BEGAIN: variants seen among roughly 807,000 people sequenced by gnomAD.
BEGAIN encodes the protein brain-enriched guanylate kinase-associated protein.
BEGAIN carries 19 observed loss-of-function variants against 35.8 expected under a neutral mutation model. The observed-to-expected ratio is 0.53, with a 90% CI of 0.37 to 0.78. The LOEUF (loss-of-function observed/expected upper bound fraction) is 0.78. BEGAIN is among the 30% of genes least tolerant of loss of function. The pLI is 0.00. For synonymous variants in BEGAIN, 462 were observed against 388.6 expected, an observed-to-expected ratio of 1.19 and a Z score of -2.22; for missense variants, 795 against 853.6, an observed-to-expected ratio of 0.93 and a Z score of 0.85.
At position 100,538,550 on chromosome 14, in the gene BEGAIN, G is replaced by A. The variant is rs1595101660; in HGVS notation, c.1258C>T (p.Arg420Trp). 1 of 1,518,198 alleles carries A rather than the reference G, an allele frequency of 6.6e-7. No homozygotes were observed. The highest frequency in any genetic ancestry group is 8.8e-7 in the Non-Finnish European group (1 of 1,134,150). The allele number at this position is 1,518,198 out of a possible 1,614,324, so 94.0% of individuals were successfully genotyped here. A position where few individuals can be genotyped will look rare whatever the true frequency, so the allele number is the denominator to read the frequency against. The change falls in exon 7 of 7, where the codon CGG becomes TGG. Residue 420 changes from arginine (R) to tryptophan (W), a missense_variant. Arg to Trp is a moderately radical substitution (Grantham distance 101, BLOSUM62 -3). Coordinates refer to ENST00000554140, the MANE Select transcript of BEGAIN (RefSeq NM_001385089.1). The stretch of plus-strand genomic sequence containing the variant: ...AGCCGGGCGGTCCCCGGCTTGGCCC[G>A]CAGGCTCCACAGGTTTGGGGGCATC... ...ALMPPNLWSLRAKPGTARLPG... is the reference protein window; with the variant it reads ...ALMPPNLWSLWAKPGTARLPG...
Position 100,579,749 on chromosome 14 carries a change from G to C in BEGAIN, c.42+7500C>G, listed in dbSNP as rs112814586. On this transcript the variant is annotated intron_variant, in intron 1 of 6. Transcript: ENST00000554140. ...AAAACTCAGTGCGTGGCCTCACCAT[G>C]GCCTCAGCCACCCAAGACAGGAACA... 7.7e-3 allele frequency among the ~76,000 whole-genome samples: 1,176 copies of C among 152,250 alleles called. 18 individuals carry two copies. The highest frequency in any genetic ancestry group is 0.027 in the African/African-American group (1,115 of 41,506).
chr14:100,568,210 G>T lies in BEGAIN; in HGVS notation c.43-271C>A, dbSNP rs2034884371. 1.6e-6 allele frequency: 1 copy of T among 631,996 alleles called. No individual in the cohort carries two copies. The highest frequency in any genetic ancestry group is 2.0e-6 in the Non-Finnish European group (1 of 492,250). 39.1% of individuals were successfully genotyped at this position (631,996 alleles called of 1,614,324 possible). A position where few individuals can be genotyped will look rare whatever the true frequency, so the allele number is the denominator to read the frequency against. ...GCCCCCCGGGGCGAAGAAGGGGCCG[G>T]CCCGGGATGGCCCGGCCAGGGGCGA... On this transcript the variant is annotated intron_variant, in intron 1 of 6. Coordinates refer to ENST00000554140, the MANE Select transcript of BEGAIN (RefSeq NM_001385089.1). The surrounding 1 kb of genome is among the most constrained non-coding windows in gnomAD (Gnocchi z 7.5).
chr14:100,562,165 A>T (rs372436099), intron 2 of BEGAIN, among the ~76,000 whole-genome samples: 8 of 152,086 alleles, frequency 5.3e-5, no homozygotes, highest in African/African-American at 1.9e-4. Context: ...GTTGGAGGAG[A>T]CAAGAGATGG....
intron 2 of BEGAIN, among the ~76,000 whole-genome samples, chr14:100,562,432 A>G (rs150651478): frequency 6.6e-6 from 1 of 152,222 alleles, no homozygotes; most frequent in Non-Finnish European, 1.5e-5. Context: ...GGACACCTCA[A>G]GCCTGTGTGC....
intron 2 of BEGAIN, 101 bp from the exon 3 acceptor site, chr14:100,546,763 G>GGCGC (rs145452191): frequency 2.9e-5 from 22 of 746,974 alleles, no homozygotes; most frequent in Admixed American, 1.4e-4. Context: ...CGCGAGTACC[G>GGCGC]GCGCGCGCGC....
chr14:100,541,100 G>A (rs1279120928), intron 5 of BEGAIN, among the ~76,000 whole-genome samples: 1 of 152,144 alleles, frequency 6.6e-6, no homozygotes, highest in African/African-American at 2.4e-5. Flanking sequence ...TGTGGCTGCA[G>A]GGCTGGGCAG....
intron 3 of BEGAIN, chr14:100,546,080 G>C (rs7401025): frequency 6.2e-6 from 1 of 161,612 alleles, no homozygotes; most frequent in African/African-American, 2.4e-5. Flanking sequence ...CTCAAGGGAA[G>C]GGTCCCTAAA....
rs904640305 is a variant in BEGAIN, at chr14:100,552,914, G to T, written c.72-6252C>A. 2.0e-5 allele frequency among the ~76,000 whole-genome samples: 3 copies of T among 152,328 alleles called. No individual in the cohort carries two copies. The East Asian group carries it at 5.8e-4, about 29-fold the overall frequency. On this transcript the variant is annotated intron_variant, in intron 2 of 6. Transcript: ENST00000554140. The stretch of plus-strand genomic sequence containing the variant: ...CTGACCTGCCAAGAGACCTTGCCTT[G>T]GTGCTCCTTGGCAACCTTTGTGGAC...
At chr14:100,539,420 G>A (rs904632483) in intron 6 of BEGAIN, 105 bp from the exon 7 acceptor site, 8 of 1,467,728 alleles carry the variant, frequency 5.5e-6, no homozygotes, top group Non-Finnish European at 7.2e-6. Flanking sequence ...ATGACCGACA[G>A]GCAGACAGAC....
rs2034960606 is a variant in BEGAIN, at chr14:100,568,983, C to T, written c.43-1044G>A. The T allele has an allele frequency of 6.1e-6, 6 of 979,764 alleles. No homozygotes were observed. The highest frequency in any genetic ancestry group is 7.3e-6 in the Non-Finnish European group (6 of 825,944). 60.7% of individuals were successfully genotyped at this position (979,764 alleles called of 1,614,324 possible). On this transcript the variant is annotated intron_variant, in intron 1 of 6. Transcript: ENST00000554140. The surrounding 1 kb of genome is among the most constrained non-coding windows in gnomAD (Gnocchi z 7.5). ...GCCGGGAGCGCGCTCCGCTCGGGTC[C>T]GGGCCCCACGCCGCCTCCCCCACCG...
chr14:100,575,966 G>A (rs2139752413), intron 1 of BEGAIN, among the ~76,000 whole-genome samples: 1 of 152,300 alleles, frequency 6.6e-6, no homozygotes, highest in Middle Eastern at 3.4e-3. Context: ...GGAGCCAAGA[G>A]CAGCAGAGAA....
Position 100,538,777 on chromosome 14 carries a change from A to T in BEGAIN, c.1031T>A (p.Ile344Asn). The T allele has an allele frequency of 6.3e-7, 1 of 1,591,586 alleles. No individual in the cohort carries two copies. Among genetic ancestry groups the T allele is most frequent in the Non-Finnish European group, 8.5e-7 (1 of 1,170,670 alleles). Residue 344 changes from isoleucine to asparagine, a missense_variant, in exon 7 of 7, where the codon ATC (isoleucine) becomes AAC (asparagine). Transcript: ENST00000554140. ...ASTLTASQQA[I>N]YLNSRDELFD... ...GAGCTCGTCGCGGCTGTTCAGGTAGATGGCCTGCTGCGACGCGGTCAGCGT... is the reference window on the plus strand; with the variant it reads ...GAGCTCGTCGCGGCTGTTCAGGTAGTTGGCCTGCTGCGACGCGGTCAGCGT...
rs151251726 is a variant in BEGAIN, at chr14:100,584,822, G to A, written c.42+2427C>T. On this transcript the variant is annotated intron_variant, in intron 1 of 6. Coordinates refer to ENST00000554140, the MANE Select transcript of BEGAIN (RefSeq NM_001385089.1). ...TCCAGGCCTCTCCACTAAGGCTAGC[G>A]ACCAGCTCTGCGGCAGGAAGGGGAG... is the stretch of plus-strand genomic sequence containing the variant. Among the ~76,000 whole-genome samples the A allele has an allele frequency of 3.3e-3, 500 of 152,200 alleles. 2 individuals carry two copies. The highest frequency in any genetic ancestry group is 5.3e-3 in the Non-Finnish European group (360 of 68,000).
chr14:100,571,493 T>C (rs2035080305), intron 1 of BEGAIN, among the ~76,000 whole-genome samples: 1 of 152,210 alleles, frequency 6.6e-6, no homozygotes, highest in South Asian at 2.1e-4. Flanking sequence ...ATCAGTTCCA[T>C]TGAAGTGTCA....
chr14:100,546,615 G>A lies in BEGAIN; in HGVS notation c.119C>T (p.Thr40Ile). Residue 40 changes from threonine (T) to isoleucine (I), a missense_variant, in exon 3 of 7, where the codon ACC becomes ATC. Physicochemically the swap from Thr to Ile is moderately conservative, Grantham distance 89. This residue lies in a region of BEGAIN where 58 missense variants were observed against 62.7 expected (regional missense o/e 0.92). Transcript: ENST00000554140. ...KGELRKRLSY[T>I]THKLEKLETE... ...CTCGAGCTTCTCGAGCTTGTGTGTG[G>A]TGTAGGACAGCCGCTTGCGCAGCTC... 1 of 1,588,440 alleles carries A rather than the reference G, an allele frequency of 6.3e-7. No homozygotes were observed. The highest frequency in any genetic ancestry group is 8.5e-7 in the Non-Finnish European group (1 of 1,170,988).
At chr14:100,584,810 A>G (rs1292485875) in intron 1 of BEGAIN, among the ~76,000 whole-genome samples, 1 of 152,066 alleles carries the variant, frequency 6.6e-6, no homozygotes, top group East Asian at 1.9e-4. Flanking sequence ...AGGCCTCTCC[A>G]CTAAGGCTAG....
chr14:100,581,820 G>A (rs1462695119), intron 1 of BEGAIN, among the ~76,000 whole-genome samples: 5 of 152,262 alleles, frequency 3.3e-5, no homozygotes, highest in African/African-American at 9.6e-5. Context: ...GGACAGAAGG[G>A]GCATGAGGCT....
chr14:100,578,194 G>T (rs1237272321), intron 1 of BEGAIN, among the ~76,000 whole-genome samples: 1 of 152,226 alleles, frequency 6.6e-6, no homozygotes, highest in African/African-American at 2.4e-5. Context: ...TGCTAGAGAG[G>T]GGAAGGTCGT....
At chr14:100,577,270 G>A (rs943614742) in intron 1 of BEGAIN, 10 of 398,652 alleles carry the variant, frequency 2.5e-5, no homozygotes, top group Non-Finnish European at 3.1e-5. Context: ...GTGGGGAAGC[G>A]GCACATGGGG....
Sources: gnomAD v4.1 joint callset for allele counts (sites outside exome capture counted in the v4.1 genomes callset) on GRCh38, gnomAD v4.1.1 for gene constraint, gnomAD v4.1.1 regional missense constraint, Gnocchi (gnomAD v3.1) non-coding constraint, MANE v1.5 for transcripts, NCBI Gene and HGNC (gene_info 2026-07-23, HGNC 2026-07-21) for gene names.